Variants in CROCC observed in about 807,000 individuals in gnomAD.
CROCC encodes ciliary rootlet coiled-coil, rootletin.
CROCC carries 180 observed loss-of-function variants against 245.2 expected under a neutral mutation model. That is an observed-to-expected ratio of 0.73 (90% CI 0.65 to 0.83). The LOEUF is 0.83. Among genes scored for constraint, CROCC ranks in the 40% least tolerant of loss-of-function variants. CROCC has a pLI of 0.00. For synonymous variants in CROCC, 1,205 were observed against 1,241.6 expected (o/e 0.97, Z 0.62); for missense variants, 2,688 against 2,779.4 (o/e 0.97, Z 0.74).
At chr1:16,937,493 A>T (rs2100406702) in intron 9 of CROCC, 148 bp from the exon 10 acceptor site, 1 of 666,064 alleles carries the variant, frequency 1.5e-6, no homozygotes, top group Non-Finnish European at 2.7e-6. Flanking sequence ...TCTGGAGAGG[A>T]GCCGGGACTT....
intron 3 of CROCC, among the ~76,000 whole-genome samples, chr1:16,928,413 A>C (rs2075584430): frequency 6.6e-6 from 1 of 152,162 alleles, no homozygotes; most frequent in Admixed American, 6.5e-5. Flanking sequence ...CAGGGGTCTG[A>C]GGATGTGCGG....
At chr1:16,951,249 T>A in intron 20 of CROCC, 127 bp downstream of exon 20, 1 of 850,426 alleles carries the variant, frequency 1.2e-6, no homozygotes, top group African/African-American at 1.8e-5. Context: ...TGGGGACAGC[T>A]AGGAGGACTG....
chr1:16,927,552 A>G (rs1314242829), intron 3 of CROCC, among the ~76,000 whole-genome samples: 2 of 152,262 alleles, frequency 1.3e-5, no homozygotes, highest in Non-Finnish European at 2.9e-5. Context: ...TCAGCCACAG[A>G]TGCCGCCTTA....
chr1:16,940,690 CATTT>C, intron 13 of CROCC: 1 of 228,260 alleles, frequency 4.4e-6, no homozygotes, highest in Non-Finnish European at 8.9e-6. Context: ...GCCCGGCCAA[CATTT>C]ATTTTTTAGT....
At chr1:16,968,906 C>T in intron 31 of CROCC, 1 of 650,746 alleles carries the variant, frequency 1.5e-6, no homozygotes, top group Non-Finnish European at 2.8e-6. Context: ...GCACTCTGGG[C>T]ACTAGTAGTT....
At chr1:16,960,410 C>T (rs1450680793) in intron 26 of CROCC, among the ~76,000 whole-genome samples, 1 of 152,208 alleles carries the variant, frequency 6.6e-6, no homozygotes, top group Non-Finnish European at 1.5e-5. Context: ...GTTTCATCTT[C>T]TGTAAAGTGA....
chr1:16,962,591 C>G (rs1394134887), intron 27 of CROCC, among the ~76,000 whole-genome samples: 1 of 147,040 alleles, frequency 6.8e-6, no homozygotes, highest in African/African-American at 2.5e-5. Flanking sequence ...TCAGGCTAGT[C>G]TTGAACTCCT....
chr1:16,948,768 C>T, intron 18 of CROCC, 31 bp from the exon 19 acceptor site: 1 of 1,609,806 alleles, frequency 6.2e-7, no homozygotes. Flanking sequence ...GAGGCTGAGT[C>T]CCAGGGCCTC....
chr1:16,945,549 A>G lies in CROCC; in HGVS notation c.2079A>G (p.Thr693=), dbSNP rs2761550. The change falls in exon 15 of 37, where the codon ACA becomes ACG. Residue 693 remains threonine, a synonymous_variant. Coordinates refer to ENST00000375541, the MANE Select transcript of CROCC (RefSeq NM_014675.5). Reference sequence around the variant, plus strand: ...TGAGGGAGGCGCTGAGCCGCGCCACACTGCAACGGGACATGCTGCAGGCCG... The same window carrying G: ...TGAGGGAGGCGCTGAGCCGCGCCACGCTGCAACGGGACATGCTGCAGGCCG... ...VEVREALSRA[T]LQRDMLQAEK... 293 of 1,611,220 alleles carry G rather than the reference A, an allele frequency of 1.8e-4. No individual in the cohort carries two copies. Among genetic ancestry groups the G allele is most frequent in the African/African-American group, 8.9e-4 (67 of 74,868 alleles).
intron 8 of CROCC, among the ~76,000 whole-genome samples, chr1:16,933,722 C>T (rs1386386188): frequency 2.0e-5 from 3 of 152,248 alleles, no homozygotes; most frequent in East Asian, 3.8e-4. Context: ...TGCGCCACCA[C>T]GCCCAGCTAA....
Position 16,966,273 on chromosome 1 carries a change from G to A in CROCC, c.4697-135G>A, listed in dbSNP as rs557201341. The A allele has an allele frequency of 1.7e-4, 240 of 1,430,088 alleles. 2 individuals are homozygous for A. Among genetic ancestry groups the A allele is most frequent in the South Asian group, 1.5e-3 (106 of 69,968 alleles). 88.6% of individuals were successfully genotyped at this position (1,430,088 alleles called of 1,614,324 possible). ...CCTCCTTGGACAGCCTCACCTGTGT[G>A]CAGGCCCGCATACTACGAAGGGTGC... On this transcript the variant is annotated intron_variant, in intron 29 of 36. Coordinates refer to ENST00000375541, the MANE Select transcript of CROCC (RefSeq NM_014675.5). This position sits in a 1 kb window ranked among gnomAD's most constrained non-coding sequence, Gnocchi z 4.8.
At chr1:16,950,610 A>G (rs1003170256) in intron 19 of CROCC, among the ~76,000 whole-genome samples, 3 of 152,202 alleles carry the variant, frequency 2.0e-5, no homozygotes, top group Non-Finnish European at 4.4e-5. Flanking sequence ...CACCTGCCCC[A>G]GCTTCCCAAA....
chr1:16,929,143 A>T (rs1278457569), intron 3 of CROCC, among the ~76,000 whole-genome samples: 2 of 152,272 alleles, frequency 1.3e-5, no homozygotes, highest in Non-Finnish European at 2.9e-5. Context: ...GGGCATTAAT[A>T]TGCAGGCGCC....
chr1:16,934,755 C>T (rs1356983932), intron 8 of CROCC, among the ~76,000 whole-genome samples: 7 of 152,232 alleles, frequency 4.6e-5, no homozygotes, highest in African/African-American at 7.2e-5. Context: ...ATTCCTCTTC[C>T]CTCCTTGGAG....
intron 27 of CROCC, among the ~76,000 whole-genome samples, chr1:16,963,185 G>GAA (rs56708042): frequency 1.3e-4 from 14 of 105,876 alleles, no homozygotes; most frequent in Admixed American, 5.1e-4. Context: ...CTCCGTCTCA[G>GAA]AAAAAAAAAA....
At chr1:16,961,184 GC>G in intron 27 of CROCC, 54 bp downstream of exon 27, 1 of 1,261,110 alleles carries the variant, frequency 7.9e-7, no homozygotes, top group South Asian at 2.5e-5. Flanking sequence ...CCGCACTGAG[GC>G]CCCGCCCCCA....
intron 35 of CROCC, 134 bp downstream of exon 35, chr1:16,970,901 C>A: frequency 2.7e-6 from 3 of 1,113,040 alleles, no homozygotes; most frequent in Non-Finnish European, 3.6e-6. Flanking sequence ...TTCCAGTGAC[C>A]CAGCGGGCCA....
chr1:16,936,878 G>C lies in CROCC; in HGVS notation c.1193+5G>C. 6.2e-7 allele frequency: 1 copy of C among 1,605,640 alleles called. No homozygotes were observed. On this transcript the variant is annotated splice_donor_5th_base_variant and intron_variant, in intron 9 of 36. Coordinates refer to ENST00000375541, the MANE Select transcript of CROCC (RefSeq NM_014675.5). ...CAAGGCTGACCTCAGTGCCAGGTGG[G>C]TACCTGGTGGATGCCGCACGAGGCA...
chr1:16,940,351 G>T (rs1229613968), intron 13 of CROCC, among the ~76,000 whole-genome samples: 4 of 151,106 alleles, frequency 2.6e-5, no homozygotes, highest in African/African-American at 9.7e-5. Flanking sequence ...AGCCTCCCGA[G>T]TATCTGGGAC....
Sources: allele counts gnomAD v4.1 joint callset (sites outside exome capture counted in the v4.1 genomes callset), GRCh38; gene constraint gnomAD v4.1.1; non-coding constraint Gnocchi (gnomAD v3.1); transcripts MANE v1.5; gene names NCBI Gene and HGNC (gene_info 2026-07-23, HGNC 2026-07-21).